The following ITGB5 variants were observed in gnomAD, a reference collection of about 807,000 sequenced individuals.
The protein encoded by ITGB5 is integrin subunit beta 5.
A neutral mutation model predicts 84.8 loss-of-function variants in ITGB5; 38 were observed. The observed-to-expected ratio is 0.45, with a 90% CI of 0.35 to 0.59. The LOEUF is 0.59. Ranked by LOEUF, ITGB5 falls within the 20% of genes least tolerant of loss-of-function variation. The pLI, the probability that ITGB5 is intolerant of heterozygous loss-of-function variation, is 0.01. For missense variants in ITGB5, 905 were observed against 1,034.5 expected (o/e 0.87, Z 1.72); for synonymous variants, 393 against 414.4 (o/e 0.95, Z 0.63).
chr3:124,820,796 T>C (rs1415615212), intron 6 of ITGB5, among the ~76,000 whole-genome samples: 1 of 152,210 alleles, frequency 6.6e-6, no homozygotes, highest in Non-Finnish European at 1.5e-5. Flanking sequence ...TCAAATTGCA[T>C]AGTTGTGGTT....
At chr3:124,843,478 C>A (rs888730499) in intron 4 of ITGB5, among the ~76,000 whole-genome samples, 2 of 152,224 alleles carry the variant, frequency 1.3e-5, no homozygotes, top group African/African-American at 2.4e-5. Context: ...TTACCTCCTC[C>A]CTTTCACTCC....
chr3:124,821,424 T>C lies in ITGB5; in HGVS notation c.831A>G (p.Thr277=), dbSNP rs2107560249. The part of the protein sequence containing the change: ...KDALHLLVFT[T]DDVPHIALDG... ...CCAATGCGATGTGGGGCACATCATC[T>C]GTTGTGAACACCAGCAAATGCAGTG... Residue 277 remains threonine (T), a synonymous_variant, in exon 6 of 15, where the codon ACA becomes ACG. Transcript: ENST00000296181. 1 of 1,614,242 alleles carries C rather than the reference T, an allele frequency of 6.2e-7. No individual in the cohort carries two copies. Among genetic ancestry groups the C allele is most frequent in the Non-Finnish European group, 8.5e-7 (1 of 1,180,038 alleles).
intron 9 of ITGB5, among the ~76,000 whole-genome samples, chr3:124,808,557 A>G (rs1030666348): frequency 3.9e-5 from 6 of 152,216 alleles, no homozygotes; most frequent in Non-Finnish European, 7.3e-5. Context: ...ACTGCTGTAG[A>G]GTCATCCATT....
At chr3:124,783,661 G>A (rs974493708) in intron 10 of ITGB5, among the ~76,000 whole-genome samples, 1 of 152,236 alleles carries the variant, frequency 6.6e-6, no homozygotes, top group Admixed American at 6.5e-5. Flanking sequence ...GAACTTAAAT[G>A]TGATTCTTGA....
In ITGB5 at chr3:124,762,662, T is replaced by C. The variant is rs2063711175; in HGVS notation, c.*961A>G. 1 of 152,148 alleles carries C rather than the reference T, an allele frequency of 6.6e-6. No homozygotes were observed. Among genetic ancestry groups the C allele is most frequent in the South Asian group, 2.1e-4 (1 of 4,828 alleles). The allele number at this position is 152,148 out of a possible 1,614,324, so 9.4% of individuals were successfully genotyped here. On this transcript the variant is annotated 3_prime_UTR_variant, in exon 15 of 15. Transcript: ENST00000296181. ...AACCACCACTCAACCCTTGCTTGTC[T>C]GTACAATCTATTTCCAGCCTCAGCC...
intron 3 of ITGB5, among the ~76,000 whole-genome samples, chr3:124,850,179 C>T (rs1559967937): frequency 6.6e-6 from 1 of 151,912 alleles, no homozygotes; most frequent in Non-Finnish European, 1.5e-5. Flanking sequence ...CCCACCGTGA[C>T]AACAAGGCAT....
chr3:124,796,008 G>A (rs1297763685), intron 10 of ITGB5, among the ~76,000 whole-genome samples: 1 of 152,220 alleles, frequency 6.6e-6, no homozygotes, highest in Non-Finnish European at 1.5e-5. Flanking sequence ...TGAGTTCATT[G>A]GCTAAGGGAC....
intron 10 of ITGB5, among the ~76,000 whole-genome samples, chr3:124,793,325 G>C (rs1170764151): frequency 6.6e-6 from 1 of 152,134 alleles, no homozygotes; most frequent in Non-Finnish European, 1.5e-5. Flanking sequence ...GGGGAAGGAG[G>C]GATGGTTCTG....
At chr3:124,814,624 T>G (rs2064558581) in intron 8 of ITGB5, among the ~76,000 whole-genome samples, 1 of 152,018 alleles carries the variant, frequency 6.6e-6, no homozygotes, top group Non-Finnish European at 1.5e-5. Flanking sequence ...CAGCTAATTT[T>G]CACAAAATTT....
chr3:124,764,082 A>G (rs1372532813), intron 14 of ITGB5, among the ~76,000 whole-genome samples: 1 of 152,196 alleles, frequency 6.6e-6, no homozygotes, highest in Admixed American at 6.5e-5. Context: ...GTAATGGACC[A>G]TAAGAATCTG....
chr3:124,869,183 A>T (rs1559979119), intron 2 of ITGB5, among the ~76,000 whole-genome samples: 3 of 152,194 alleles, frequency 2.0e-5, no homozygotes, highest in African/African-American at 7.2e-5. Context: ...GTACACACAC[A>T]TCACATGCTT....
intron 1 of ITGB5, among the ~76,000 whole-genome samples, chr3:124,886,342 G>C (rs1934806434): frequency 1.3e-5 from 2 of 152,044 alleles, no homozygotes; most frequent in African/African-American, 4.8e-5. Context: ...GGAAGCAGGC[G>C]GGGGGCGGGG....
intron 8 of ITGB5, 99 bp from the exon 9 acceptor site, chr3:124,809,255 T>C: frequency 7.6e-7 from 1 of 1,313,954 alleles, no homozygotes; most frequent in Non-Finnish European, 1.1e-6. Flanking sequence ...TTCCTCTAAC[T>C]CAGGAATCCC....
At chr3:124,876,470 G>A (rs965292018) in intron 1 of ITGB5, among the ~76,000 whole-genome samples, 5 of 152,104 alleles carry the variant, frequency 3.3e-5, no homozygotes, top group Admixed American at 1.3e-4. Context: ...AATCGCAAAC[G>A]GCAAAACTGC....
At chr3:124,807,802 C>T (rs1005803649) in intron 9 of ITGB5, among the ~76,000 whole-genome samples, 2 of 151,164 alleles carry the variant, frequency 1.3e-5, no homozygotes, top group Middle Eastern at 3.4e-3. Context: ...AAAAATTAGC[C>T]GGGCTGGCGG....
At chr3:124,841,072 T>G (rs2065004300) in intron 5 of ITGB5, among the ~76,000 whole-genome samples, 1 of 152,212 alleles carries the variant, frequency 6.6e-6, no homozygotes, top group Non-Finnish European at 1.5e-5. Flanking sequence ...TGACCTTTAC[T>G]TTTTTCCCCT....
At chr3:124,856,878 T>G (rs970728705) in intron 3 of ITGB5, among the ~76,000 whole-genome samples, 2 of 152,194 alleles carry the variant, frequency 1.3e-5, no homozygotes, top group African/African-American at 4.8e-5. Flanking sequence ...CTCAGCTGAC[T>G]TTTTTCTACC....
upstream of ITGB5, chr3:124,887,607 G>A: frequency 5.1e-6 from 2 of 394,486 alleles, no homozygotes; most frequent in East Asian, 8.2e-5. Context: ...CACTTGGGGC[G>A]TGGGGGGCTC....
chr3:124,876,492 G>C (rs62265648), intron 1 of ITGB5, among the ~76,000 whole-genome samples: 24,955 of 152,188 alleles, frequency 0.16, 2,301 homozygotes, highest in South Asian at 0.22. Context: ...GACTGGCAGA[G>C]GGGTGGGTGC....
Sources: gnomAD v4.1 joint callset for allele counts (sites outside exome capture counted in the v4.1 genomes callset) on GRCh38, gnomAD v4.1.1 for gene constraint, MANE v1.5 for transcripts, NCBI Gene and HGNC (gene_info 2026-07-23, HGNC 2026-07-21) for gene names.